The following BCAT1 variants were observed in gnomAD, a reference collection of about 807,000 sequenced individuals.
BCAT1 encodes branched chain amino acid transaminase 1.
Under a neutral mutation model 52.4 loss-of-function variants are expected in BCAT1, and 48 were observed. That is an observed-to-expected ratio of 0.92 (90% CI 0.73 to 1.16). The LOEUF is 1.16. Ranked by LOEUF, BCAT1 falls within the 50% of genes most tolerant of loss-of-function variation. BCAT1 has a pLI of 0.00. For synonymous variants in BCAT1, 167 were observed against 161.3 expected (o/e 1.04, Z -0.27); for missense variants, 451 against 457.1 (o/e 0.99, Z 0.12).
At chr12:24,902,161 C>T in intron 1 of BCAT1, 1 of 1,438,796 alleles carries the variant, frequency 7.0e-7, no homozygotes, top group Non-Finnish European at 9.1e-7. Context: ...GTCAGCCCTA[C>T]AGAGCCAGGG....
intron 5 of BCAT1, among the ~76,000 whole-genome samples, chr12:24,855,810 T>A (rs1041279213): frequency 6.6e-6 from 1 of 152,112 alleles, no homozygotes; most frequent in African/African-American, 2.4e-5. Flanking sequence ...TTATTTTTTT[T>A]AGAGACAGAG....
chr12:24,836,469 T>C (rs1247363468), intron 8 of BCAT1, 42 bp downstream of exon 8: 10 of 1,504,378 alleles, frequency 6.6e-6, no homozygotes, highest in Non-Finnish European at 9.1e-6. Context: ...GATTATTTTT[T>C]ATTTCAGGCT....
chr12:24,904,832 A>G (rs1468955180), intron 1 of BCAT1, among the ~76,000 whole-genome samples: 1 of 152,180 alleles, frequency 6.6e-6, no homozygotes, highest in Non-Finnish European at 1.5e-5. Flanking sequence ...CCAGCCAGAG[A>G]GAAAAGTGTT....
At chr12:24,940,695 A>G (rs1352886393) in intron 1 of BCAT1, among the ~76,000 whole-genome samples, 1 of 152,246 alleles carries the variant, frequency 6.6e-6, no homozygotes, top group Non-Finnish European at 1.5e-5. Context: ...CCAAAAGAAA[A>G]AGGAAATCAG....
chr12:24,825,718 A>G (rs1235170426), intron 10 of BCAT1, among the ~76,000 whole-genome samples: 1 of 151,972 alleles, frequency 6.6e-6, no homozygotes, highest in Non-Finnish European at 1.5e-5. Flanking sequence ...TTTTTCCTAT[A>G]CAGTTGTTTG....
chr12:24,895,733 C>G (rs1424044870), intron 2 of BCAT1, among the ~76,000 whole-genome samples: 1 of 152,124 alleles, frequency 6.6e-6, no homozygotes, highest in African/African-American at 2.4e-5. Flanking sequence ...ATCATCAGCT[C>G]TTATCATTAT....
At chr12:24,891,652 T>G (rs1175936403) in intron 3 of BCAT1, among the ~76,000 whole-genome samples, 1 of 152,176 alleles carries the variant, frequency 6.6e-6, no homozygotes, top group Non-Finnish European at 1.5e-5. Flanking sequence ...TAACAGTAAT[T>G]TGAGAGTTTT....
At chr12:24,922,728 G>A (rs894517089) in intron 1 of BCAT1, among the ~76,000 whole-genome samples, 95 of 152,052 alleles carry the variant, frequency 6.2e-4, no homozygotes, top group African/African-American at 1.9e-3. Context: ...AAAATTAGCC[G>A]GTGTGGCAGC....
chr12:24,941,886 G>A (rs1030348138), intron 1 of BCAT1, among the ~76,000 whole-genome samples: 2 of 152,168 alleles, frequency 1.3e-5, no homozygotes, highest in East Asian at 3.8e-4. Flanking sequence ...ATAGGATGGA[G>A]GGAGTTAAAA....
rs1251247844 is a variant in BCAT1, at chr12:24,814,805, T to G, written c.*3203A>C. 3.2e-4 allele frequency: 37 copies of G among 115,042 alleles called. No individual in the cohort carries two copies. The East Asian group carries it at 3.5e-3, about 11-fold the overall frequency. The allele number at this position is 115,042 out of a possible 1,614,324, so 7.1% of individuals were successfully genotyped here. On this transcript the variant is annotated 3_prime_UTR_variant, in exon 11 of 11. Transcript: ENST00000261192. Reference sequence around the variant, plus strand: ...CTGCCTGCCTCTGCCTCTGTTTGTTTTTTTTTTTTTTTTTTGTCTTACATT... The same window carrying G: ...CTGCCTGCCTCTGCCTCTGTTTGTTGTTTTTTTTTTTTTTTGTCTTACATT...
At chr12:24,918,080 G>T (rs1029922233) in intron 1 of BCAT1, among the ~76,000 whole-genome samples, 5 of 152,198 alleles carry the variant, frequency 3.3e-5, no homozygotes, top group Middle Eastern at 3.2e-3. Context: ...ACTTTGTTCT[G>T]TGGGTTCACC....
At chr12:24,878,166 G>A (rs1387315419) in intron 5 of BCAT1, among the ~76,000 whole-genome samples, 2 of 149,008 alleles carry the variant, frequency 1.3e-5, no homozygotes, top group Non-Finnish European at 3.0e-5. Context: ...ACCAGAGAGA[G>A]ACCTCAAAAA....
At chr12:24,947,460 T>A (rs529424728) in intron 1 of BCAT1, among the ~76,000 whole-genome samples, 21 of 152,270 alleles carry the variant, frequency 1.4e-4, no homozygotes, top group Admixed American at 5.2e-4. Context: ...AACATTTTTT[T>A]AAAAAATCAA....
intron 5 of BCAT1, among the ~76,000 whole-genome samples, chr12:24,853,774 G>A (rs1287713621): frequency 6.6e-6 from 1 of 152,090 alleles, no homozygotes; most frequent in Non-Finnish European, 1.5e-5. Flanking sequence ...GATGAATTGT[G>A]TGAGTCAATT....
At chr12:24,895,479 T>A (rs1942938596) in intron 2 of BCAT1, among the ~76,000 whole-genome samples, 1 of 148,128 alleles carries the variant, frequency 6.8e-6, no homozygotes, top group Non-Finnish European at 1.5e-5. Flanking sequence ...AGAGTCAAGA[T>A]CGCACCACTG....
At chr12:24,818,286 C>T (rs2139304489) in intron 10 of BCAT1, among the ~76,000 whole-genome samples, 1 of 152,168 alleles carries the variant, frequency 6.6e-6, no homozygotes. Flanking sequence ...AAACCAAATA[C>T]CTGAAAAGAA....
chr12:24,901,159 C>A (rs1489364121), intron 2 of BCAT1, among the ~76,000 whole-genome samples: 1 of 152,094 alleles, frequency 6.6e-6, no homozygotes, highest in Non-Finnish European at 1.5e-5. Flanking sequence ...CTCTCTGAAC[C>A]GCCAGGATGT....
At chr12:24,865,266 C>A (rs886877874) in intron 5 of BCAT1, among the ~76,000 whole-genome samples, 22 of 152,300 alleles carry the variant, frequency 1.4e-4, no homozygotes, top group African/African-American at 5.3e-4. Flanking sequence ...ATCACTCCAA[C>A]AAACAAACAA....
chr12:24,878,625 C>T lies in BCAT1; in HGVS notation c.415G>A (p.Glu139Lys), dbSNP rs1170862857. The change falls in exon 5 of 11, where the codon GAG becomes AAG. Residue 139 changes from glutamate (E) to lysine (K), a missense_variant. Physicochemically the swap from Glu to Lys is moderately conservative, Grantham distance 56. Coordinates refer to ENST00000261192, the MANE Select transcript of BCAT1 (RefSeq NM_005504.7). ...AATTTCACAAGCTGTTGAATACACT[C>T]TAAGAGCTCTTCTTTGTCAAATACC... Reference protein sequence around the residue: ...LPVFDKEELLECIQQLVKLDQ... With the variant: ...LPVFDKEELLKCIQQLVKLDQ... 1.2e-6 allele frequency: 2 copies of T among 1,606,536 alleles called. No individual in the cohort carries two copies. Among genetic ancestry groups the T allele is most frequent in the African/African-American group, 1.3e-5 (1 of 74,688 alleles).
Sources: gnomAD v4.1 joint callset for allele counts (sites outside exome capture counted in the v4.1 genomes callset) on GRCh38, gnomAD v4.1.1 for gene constraint, MANE v1.5 for transcripts, NCBI Gene and HGNC (gene_info 2026-07-23, HGNC 2026-07-21) for gene names.